Variants in ST8SIA2 observed in about 807,000 individuals in gnomAD.
ST8SIA2 encodes ST8 alpha-N-acetyl-neuraminide alpha-2,8-sialyltransferase 2.
A neutral mutation model predicts 37.6 loss-of-function variants in ST8SIA2; 22 were observed. The observed-to-expected ratio is 0.58, with a 90% CI of 0.42 to 0.83. The LOEUF (loss-of-function observed/expected upper bound fraction) is 0.83, where lower values mean the gene tolerates loss of function less well. Ranked by LOEUF, ST8SIA2 falls within the 40% of genes least tolerant of loss-of-function variation. ST8SIA2 has a pLI of 0.00. For synonymous variants in ST8SIA2, 205 were observed against 201.2 expected (o/e 1.02, Z -0.16); for missense variants, 382 against 484.7 (o/e 0.79, Z 1.99).
chr15:92,418,668 G>A, intron 1 of ST8SIA2, among the ~76,000 whole-genome samples: 1 of 152,122 alleles, frequency 6.6e-6, no homozygotes. Context: ...AGTGAACTTT[G>A]ATTGAGGGGG....
chr15:92,419,455 G>A lies in ST8SIA2; in HGVS notation c.99-10594G>A, dbSNP rs190810558. ...TGGTCCTCTCTAGAACACACTGGGT[G>A]TGCGGGAAATACACCCTCCCACAGC... is the stretch of plus-strand genomic sequence containing the variant. On this transcript the variant is annotated intron_variant, in intron 1 of 5. Transcript: ENST00000268164. 1.6e-3 allele frequency among the ~76,000 whole-genome samples: 239 copies of A among 152,328 alleles called. 2 individuals carry two copies. The highest frequency in any genetic ancestry group is 5.6e-3 in the African/African-American group (231 of 41,568).
Position 92,463,592 on chromosome 15 carries a change from G to A in ST8SIA2, c.843-508G>A, listed in dbSNP as rs182546358. ...GTTTCTCAGAGGTCAGCAAACTGCT[G>A]CTCAAGGGCCAAGTCTGGCCACACC... On this transcript the variant is annotated intron_variant, in intron 5 of 5. Transcript: ENST00000268164. 5.3e-5 allele frequency among the ~76,000 whole-genome samples: 8 copies of A among 152,356 alleles called. No individual in the cohort carries two copies. The East Asian group carries it at 1.3e-3, about 26-fold the overall frequency.
intron 1 of ST8SIA2, among the ~76,000 whole-genome samples, chr15:92,394,575 G>C (rs1183940101): frequency 6.6e-6 from 1 of 152,154 alleles, no homozygotes; most frequent in African/African-American, 2.4e-5. Flanking sequence ...TTCTCGCCTT[G>C]GCAAAGTGGG....
At chr15:92,428,581 T>G (rs3858917) in intron 1 of ST8SIA2, among the ~76,000 whole-genome samples, 65,483 of 152,012 alleles carry the variant, frequency 0.43, 15,530 homozygotes, top group East Asian at 0.7. Context: ...CCAACCCAGG[T>G]GAATGTGGGT....
At chr15:92,413,324 G>A (rs1182241586) in intron 1 of ST8SIA2, among the ~76,000 whole-genome samples, 2 of 152,130 alleles carry the variant, frequency 1.3e-5, no homozygotes, top group Non-Finnish European at 2.9e-5. Flanking sequence ...GCCAGCTGTT[G>A]ATATGTTTTC....
At chr15:92,451,187 CT>C (rs2049879391) in intron 5 of ST8SIA2, among the ~76,000 whole-genome samples, 1 of 152,192 alleles carries the variant, frequency 6.6e-6, no homozygotes, top group East Asian at 1.9e-4. Flanking sequence ...AGGAACTGAA[CT>C]GCATTCTCTC....
intron 5 of ST8SIA2, among the ~76,000 whole-genome samples, chr15:92,451,162 C>G (rs542215482): frequency 1.3e-5 from 2 of 152,210 alleles, no homozygotes; most frequent in African/African-American, 4.8e-5. Context: ...CACCCAGCAT[C>G]TAAGTGGCAC....
intron 1 of ST8SIA2, among the ~76,000 whole-genome samples, chr15:92,416,230 G>C (rs1258269563): frequency 6.6e-6 from 1 of 151,458 alleles, no homozygotes; most frequent in Non-Finnish European, 1.5e-5. Flanking sequence ...ACACTTGAAG[G>C]GGGGGTGGGG....
intron 1 of ST8SIA2, among the ~76,000 whole-genome samples, chr15:92,405,359 T>C (rs1176009934): frequency 6.6e-6 from 1 of 152,204 alleles, no homozygotes; most frequent in East Asian, 1.9e-4. Context: ...GGGTATAAAG[T>C]TTCAGTTTTG....
chr15:92,425,711 G>T (rs1053234465), intron 1 of ST8SIA2, among the ~76,000 whole-genome samples: 1 of 152,142 alleles, frequency 6.6e-6, no homozygotes, highest in Admixed American at 6.5e-5. Context: ...GCCAGAGCGG[G>T]TCTAGGATTG....
At position 92,410,549 on chromosome 15, in the gene ST8SIA2, T is replaced by C. The variant is rs576470722; in HGVS notation, c.98+16387T>C. On this transcript the variant is annotated intron_variant, in intron 1 of 5. Transcript: ENST00000268164. Reference sequence around the variant, plus strand: ...GTCAAATGACATCCTGTATACCGAGTTTTAGAAAAGCACATGAGTGCACGT... The same window carrying C: ...GTCAAATGACATCCTGTATACCGAGCTTTAGAAAAGCACATGAGTGCACGT... 2.0e-5 allele frequency among the ~76,000 whole-genome samples: 3 copies of C among 152,184 alleles called. No individual in the cohort carries two copies. In the South Asian group the frequency reaches 6.2e-4, roughly 32 times the overall value.
rs2049831631 is a variant in ST8SIA2, at chr15:92,444,992, G to A, written c.842+63G>A. 4 of 1,595,026 alleles carry A rather than the reference G, an allele frequency of 2.5e-6. No individual in the cohort carries two copies. In the Admixed American group the frequency reaches 6.7e-5, roughly 27 times the overall value. On this transcript the variant is annotated intron_variant, in intron 5 of 5. Coordinates refer to ENST00000268164, the MANE Select transcript of ST8SIA2 (RefSeq NM_006011.4). Reference sequence around the variant, plus strand: ...AAGTGTGGGAGATTCTTGGTAGGCAGTATCCCTTTCCCAGGTGCATTTCCA... The same window carrying A: ...AAGTGTGGGAGATTCTTGGTAGGCAATATCCCTTTCCCAGGTGCATTTCCA...
intron 5 of ST8SIA2, among the ~76,000 whole-genome samples, chr15:92,450,035 C>T (rs1018971806): frequency 3.3e-5 from 5 of 152,168 alleles, no homozygotes; most frequent in African/African-American, 1.2e-4. Context: ...TTTTCATCAC[C>T]TTGTGTTTGG....
intron 5 of ST8SIA2, among the ~76,000 whole-genome samples, chr15:92,463,553 C>T (rs1295685323): frequency 1.4e-5 from 2 of 147,278 alleles, no homozygotes; most frequent in Non-Finnish European, 2.9e-5. Context: ...GCAGGCACCA[C>T]ACAAGAGCCA....
rs1420429928 is a variant in ST8SIA2 at position 92,468,532 on chromosome 15, T to C, written c.*4147T>C. 1 of 152,724 alleles carries C rather than the reference T, an allele frequency of 6.5e-6. No homozygotes were observed. Among genetic ancestry groups the C allele is most frequent in the African/African-American group, 2.4e-5 (1 of 41,474 alleles). 9.5% of individuals were successfully genotyped at this position (152,724 alleles called of 1,614,324 possible). ...TGCTGAACCACCGTAGCACTTTATT[T>C]GTACCTTTCTCATGGCACTTACCAT... On this transcript the variant is annotated 3_prime_UTR_variant, in exon 6 of 6. Coordinates refer to ENST00000268164, the MANE Select transcript of ST8SIA2 (RefSeq NM_006011.4).
intron 4 of ST8SIA2, among the ~76,000 whole-genome samples, 196 bp downstream of exon 4, chr15:92,438,806 A>G (rs1373799142): frequency 6.6e-6 from 1 of 152,168 alleles, no homozygotes; most frequent in African/African-American, 2.4e-5. Context: ...AACCAATTAA[A>G]TCAATGGAGG....
chr15:92,415,659 G>A (rs1471911267), intron 1 of ST8SIA2, among the ~76,000 whole-genome samples: 1 of 152,020 alleles, frequency 6.6e-6, no homozygotes, highest in Non-Finnish European at 1.5e-5. Flanking sequence ...TGTTTAGAAG[G>A]AGCCAGAAAT....
chr15:92,394,814 A>C (rs1269962505), intron 1 of ST8SIA2, among the ~76,000 whole-genome samples: 1 of 152,160 alleles, frequency 6.6e-6, no homozygotes, highest in Admixed American at 6.5e-5. Context: ...ACGTTCAGCC[A>C]AGCCACGGCA....
chr15:92,463,630 C>G (rs950153568), intron 5 of ST8SIA2, among the ~76,000 whole-genome samples: 3 of 152,240 alleles, frequency 2.0e-5, no homozygotes, highest in Non-Finnish European at 2.9e-5. Flanking sequence ...TGTGTGTTGT[C>G]TGTGGCCCTT....
Sources: gnomAD v4.1 joint callset for allele counts (sites outside exome capture counted in the v4.1 genomes callset) on GRCh38, gnomAD v4.1.1 for gene constraint, MANE v1.5 for transcripts, NCBI Gene and HGNC (gene_info 2026-07-23, HGNC 2026-07-21) for gene names.